Variants in TMEM26 observed in about 807,000 individuals in gnomAD.
TMEM26 encodes the protein transmembrane protein 26.
A neutral mutation model predicts 28.8 loss-of-function variants in TMEM26; 38 were observed. The observed-to-expected ratio is 1.32, with a 90% confidence interval of 1.02 to 1.73. The LOEUF (loss-of-function observed/expected upper bound fraction) is 1.73. Ranked by LOEUF, TMEM26 falls within the 40% of genes most tolerant of loss-of-function variation. The probability of loss-of-function intolerance (pLI) is 0.00; values close to 1 mark genes in which losing one functional copy is unlikely to be tolerated. For missense variants in TMEM26, 518 were observed against 447.1 expected, an observed-to-expected ratio of 1.16 and a Z score of -1.43; for synonymous variants, 227 against 182.9, an observed-to-expected ratio of 1.24 and a Z score of -1.95.
intron 2 of TMEM26, 56 bp from the exon 3 acceptor site, chr10:61,431,388 A>C: frequency 3.2e-6 from 4 of 1,237,550 alleles, no homozygotes; most frequent in Non-Finnish European, 4.8e-6. Flanking sequence ...AATATGGTAG[A>C]GATCAAAATG....
intron 2 of TMEM26, 96 bp downstream of exon 2, chr10:61,436,074 T>C (rs761240476): frequency 4.7e-5 from 34 of 721,302 alleles, no homozygotes; most frequent in Admixed American, 1.1e-4. Context: ...CTAACTCCAG[T>C]ACCTTAGAAA....
In TMEM26 at chr10:61,452,924, G is replaced by A; in HGVS notation, c.158C>T (p.Thr53Ile). 2 of 1,613,970 alleles carry A rather than the reference G, an allele frequency of 1.2e-6. No homozygotes were observed. The highest frequency in any genetic ancestry group is 1.7e-6 in the Non-Finnish European group (2 of 1,179,916). The change falls in exon 1 of 6, where the codon ACC becomes ATC. Residue 53 changes from threonine to isoleucine, a missense_variant. By Grantham distance (89) the Thr-to-Ile change is moderately conservative. Transcript: ENST00000399298. ...GCCTCTGCCGCGCTTGAACTTGAGG[G>A]TGAGCGCAGTCTCCAGGAAGAGCAA... ...NLLLFLETAL[T>I]LKFKRGRGYK... is the part of the protein sequence containing the mutation.
In TMEM26 at chr10:61,453,165, G is replaced by T. The variant is rs1390418907; in HGVS notation, c.-84C>A. On this transcript the variant is annotated 5_prime_UTR_variant, in exon 1 of 6. Transcript: ENST00000399298. ...GTGCCCGGAGCCCACCGGTGAGCAGGAATATGACAAGCACTGAGACCTGCT... is the reference window on the plus strand; with the variant it reads ...GTGCCCGGAGCCCACCGGTGAGCAGTAATATGACAAGCACTGAGACCTGCT... 1.4e-6 allele frequency: 2 copies of T among 1,432,554 alleles called. No homozygotes were observed. Among genetic ancestry groups the T allele is most frequent in the Admixed American group, 1.8e-5 (1 of 54,848 alleles). The allele number at this position is 1,432,554 out of a possible 1,614,324, so 88.7% of individuals were successfully genotyped here.
At chr10:61,450,755 A>G (rs1234537598) in intron 1 of TMEM26, among the ~76,000 whole-genome samples, 5 of 152,118 alleles carry the variant, frequency 3.3e-5, no homozygotes, top group African/African-American at 9.7e-5. Flanking sequence ...TTCTTCCAAA[A>G]TAAAGGTGAG....
chr10:61,450,883 TAAG>T (rs1432199629), intron 1 of TMEM26, among the ~76,000 whole-genome samples: 9 of 152,286 alleles, frequency 5.9e-5, no homozygotes, highest in South Asian at 2.1e-4. Flanking sequence ...ATATTTTTAA[TAAG>T]AAGAAAATAA....
intron 4 of TMEM26, among the ~76,000 whole-genome samples, chr10:61,422,716 T>C (rs920040503): frequency 1.3e-5 from 2 of 151,864 alleles, no homozygotes; most frequent in African/African-American, 2.4e-5. Flanking sequence ...TCAAATATAA[T>C]AGAAAATATG....
In TMEM26 at chr10:61,429,078, T is replaced by A; in HGVS notation, c.453A>T (p.Thr151=). 1 of 1,613,398 alleles carries A rather than the reference T, an allele frequency of 6.2e-7. No individual in the cohort carries two copies. Residue 151 remains threonine, a synonymous_variant, in exon 4 of 6, where the codon ACA becomes ACT. Transcript: ENST00000399298. ...TTCCAATTATTAGCATTAACAGGAA[T>A]GTCTGATGGAGTCCCAATGTCCAAA... ...EKVWTLGLHQ[T]FLLMLIIGRW... is the part of the protein sequence containing the mutation.
chr10:61,410,171 A>G lies in TMEM26; in HGVS notation c.*151T>C. On this transcript the variant is annotated 3_prime_UTR_variant, in exon 6 of 6. Coordinates refer to ENST00000399298, the MANE Select transcript of TMEM26 (RefSeq NM_178505.8). The stretch of plus-strand genomic sequence containing the variant: ...CAAAGTTCCTTCTATTCAGTTGAAA[A>G]AAGAAAATTCCTCAGCTTTGGTTTA... 1 of 856,276 alleles carries G rather than the reference A, an allele frequency of 1.2e-6. No individual in the cohort carries two copies. Among genetic ancestry groups the G allele is most frequent in the Non-Finnish European group, 1.7e-6 (1 of 572,400 alleles). The allele number at this position is 856,276 out of a possible 1,614,324, so 53.0% of individuals were successfully genotyped here.
intron 3 of TMEM26, among the ~76,000 whole-genome samples, chr10:61,430,123 G>A (rs1253508534): frequency 6.6e-6 from 1 of 151,650 alleles, no homozygotes; most frequent in Non-Finnish European, 1.5e-5. Flanking sequence ...TATACAGGAA[G>A]CACATTAGTA....
intron 4 of TMEM26, chr10:61,414,149 T>C: frequency 8.5e-6 from 6 of 704,790 alleles, no homozygotes; most frequent in Non-Finnish European, 8.7e-6. Context: ...ACAACATATA[T>C]TTATGGAAGG....
intron 4 of TMEM26, among the ~76,000 whole-genome samples, chr10:61,424,801 C>T (rs1839803759): frequency 6.6e-6 from 1 of 152,038 alleles, no homozygotes; most frequent in African/African-American, 2.4e-5. Context: ...GACAAAGATG[C>T]TAAGGCAATA....
In TMEM26 at chr10:61,407,704, G is replaced by A. The variant is rs1401890187; in HGVS notation, c.*2618C>T. The A allele has an allele frequency of 6.6e-6, 1 of 152,110 alleles. No homozygotes were observed. The highest frequency in any genetic ancestry group is 1.5e-5 in the Non-Finnish European group (1 of 68,028). The allele number at this position is 152,110 out of a possible 1,614,324, so 9.4% of individuals were successfully genotyped here. ...AATCAAGCAATTAAATAACAACTAT[G>A]GCAATAATACCAACAGCACCAACAA... On this transcript the variant is annotated 3_prime_UTR_variant, in exon 6 of 6. Coordinates refer to ENST00000399298, the MANE Select transcript of TMEM26 (RefSeq NM_178505.8).
In TMEM26 at chr10:61,453,308, T is replaced by C; in HGVS notation, c.-227A>G. On this transcript the variant is annotated 5_prime_UTR_variant, in exon 1 of 6. Coordinates refer to ENST00000399298, the MANE Select transcript of TMEM26 (RefSeq NM_178505.8). The stretch of plus-strand genomic sequence containing the variant: ...AAGAGGGGTGAGTCCAAACCCAGCT[T>C]TTCCAGACTGCTGGGTTTTCCAGGG... The C allele has an allele frequency of 1.9e-6, 1 of 527,976 alleles. No homozygotes were observed. The highest frequency in any genetic ancestry group is 3.4e-6 in the Non-Finnish European group (1 of 292,720). 32.7% of individuals were successfully genotyped at this position (527,976 alleles called of 1,614,324 possible).
chr10:61,427,982 T>C (rs1839859156), intron 4 of TMEM26, among the ~76,000 whole-genome samples: 1 of 152,138 alleles, frequency 6.6e-6, no homozygotes, highest in African/African-American at 2.4e-5. Flanking sequence ...CTTAATAAGC[T>C]ATAAGAAAAA....
intron 4 of TMEM26, among the ~76,000 whole-genome samples, chr10:61,422,106 T>C (rs958306331): frequency 1.1e-4 from 17 of 152,106 alleles, no homozygotes; most frequent in African/African-American, 3.9e-4. Flanking sequence ...ATTGGAAATA[T>C]GTTAACAATT....
In TMEM26 at chr10:61,453,229, C is replaced by G. The variant is rs541742422; in HGVS notation, c.-148G>C. 158 of 789,972 alleles carry G rather than the reference C, an allele frequency of 2.0e-4. 1 individual carries two copies. In the East Asian group the frequency reaches 4.0e-3, roughly 20 times the overall value. The allele number at this position is 789,972 out of a possible 1,614,324, so 48.9% of individuals were successfully genotyped here. On this transcript the variant is annotated 5_prime_UTR_variant, in exon 1 of 6. Coordinates refer to ENST00000399298, the MANE Select transcript of TMEM26 (RefSeq NM_178505.8). ...CCTTCTCACCCTCAGCGCCCGATGC[C>G]GGTAGAACTGGTGCGCGGCTCGCCC...
chr10:61,445,719 C>CTT (rs1406366960), intron 1 of TMEM26, among the ~76,000 whole-genome samples: 3 of 151,938 alleles, frequency 2.0e-5, no homozygotes, highest in South Asian at 4.2e-4. Flanking sequence ...TTTAACAAAA[C>CTT]ATTTTATATA....
At chr10:61,435,415 G>C (rs1004910606) in intron 2 of TMEM26, among the ~76,000 whole-genome samples, 1 of 152,166 alleles carries the variant, frequency 6.6e-6, no homozygotes, top group African/African-American at 2.4e-5. Flanking sequence ...TCTTGACCTC[G>C]TGATCCACCC....
intron 4 of TMEM26, chr10:61,414,482 G>T (rs969624122): frequency 7.9e-5 from 12 of 152,052 alleles, no homozygotes; most frequent in African/African-American, 2.9e-4. Context: ...TGCTTCAAGT[G>T]TAGAGGCATT....
Sources: gnomAD v4.1 joint callset for allele counts (sites outside exome capture counted in the v4.1 genomes callset) on GRCh38, gnomAD v4.1.1 for gene constraint, MANE v1.5 for transcripts, NCBI Gene and HGNC (gene_info 2026-07-23, HGNC 2026-07-21) for gene names.